IFI30: variants seen among roughly 807,000 people sequenced by gnomAD.
The protein encoded by IFI30 is IFI30 lysosomal thiol reductase.
In IFI30, 26 loss-of-function variants were observed where a neutral mutation model predicts 30.1. The observed-to-expected ratio is 0.87, with a 90% CI of 0.63 to 1.20. The LOEUF (loss-of-function observed/expected upper bound fraction) is 1.20. IFI30 is among the 50% of genes most tolerant of loss of function. The pLI, the probability that IFI30 is intolerant of heterozygous loss-of-function variation, is 0.00. For missense variants in IFI30, 296 were observed against 312.5 expected (o/e 0.95, Z 0.40); for synonymous variants, 149 against 134.5 (o/e 1.11, Z -0.75).
In IFI30 at chr19:18,175,704, G is replaced by T. The variant is rs1318682235; in HGVS notation, c.483+7G>T. 5 of 1,596,670 alleles carry T rather than the reference G, an allele frequency of 3.1e-6. No homozygotes were observed. In the African/African-American group the frequency reaches 6.7e-5, roughly 21 times the overall value. On this transcript the variant is annotated splice_region_variant and intron_variant, in intron 4 of 6. Coordinates refer to ENST00000407280, the MANE Select transcript of IFI30 (RefSeq NM_006332.5). ...GGAGAGAAGTCTGCCACTAGTGAGT[G>T]ACGCCCCTCACTCCACCCAAGGAGG...
intron 4 of IFI30, 145 bp from the exon 5 acceptor site, chr19:18,176,995 C>A: frequency 1.2e-6 from 1 of 830,718 alleles, no homozygotes; most frequent in African/African-American, 1.7e-5. Flanking sequence ...TGAGCACCTG[C>A]TGTTTGTGGG....
chr19:18,174,578 T>C (rs1269581983), intron 1 of IFI30: 1 of 162,876 alleles, frequency 6.1e-6, no homozygotes, highest in African/African-American at 2.4e-5. Context: ...TGACAAGAAA[T>C]GAGCATGGGC....
rs8102682 is a variant in IFI30, at chr19:18,175,512, T to A, written c.391-93T>A. 683 of 1,388,612 alleles carry A rather than the reference T, an allele frequency of 4.9e-4. No homozygotes were observed. In the African/African-American group the frequency reaches 7.5e-3, roughly 15 times the overall value. 86.0% of individuals were successfully genotyped at this position (1,388,612 alleles called of 1,614,324 possible). On this transcript the variant is annotated intron_variant, in intron 3 of 6. Transcript: ENST00000407280. ...CATTTAATCACATCTTTATTCCCTA[T>A]CTCCTGGGTGGGTACTGGTGATTAT...
Position 18,173,825 on chromosome 19 carries a change from C to G in IFI30, c.-17C>G. 6.5e-7 allele frequency: 1 copy of G among 1,539,056 alleles called. No homozygotes were observed. ...CCAGGCAGCCGCTGCAGTCGCCACACCTTTGCCCCTGCTGCGATGACCCTG... is the reference window on the plus strand; with the variant it reads ...CCAGGCAGCCGCTGCAGTCGCCACAGCTTTGCCCCTGCTGCGATGACCCTG... On this transcript the variant is annotated 5_prime_UTR_variant, in exon 1 of 7. Coordinates refer to ENST00000407280, the MANE Select transcript of IFI30 (RefSeq NM_006332.5).
Position 18,177,926 on chromosome 19 carries a change from C to A in IFI30, c.*15C>A. 6.3e-7 allele frequency: 1 copy of A among 1,577,222 alleles called. No individual in the cohort carries two copies. Among genetic ancestry groups the A allele is most frequent in the Non-Finnish European group, 8.6e-7 (1 of 1,161,320 alleles). ...GCTTCAAGTGATGGCCGGTGAGCTG[C>A]GGAGAGCTCATGGAAGGCGAGTGGG... On this transcript the variant is annotated 3_prime_UTR_variant, in exon 7 of 7. Transcript: ENST00000407280.
In IFI30 at chr19:18,175,334, G is replaced by T; in HGVS notation, c.339G>T (p.Trp113Cys). 1 of 1,591,124 alleles carries T rather than the reference G, an allele frequency of 6.3e-7. No individual in the cohort carries two copies. The highest frequency in any genetic ancestry group is 8.5e-7 in the Non-Finnish European group (1 of 1,169,626). ...AGGAACAAAATGTCAGTGGCAGGTG[G>T]GAGTTCAAGTGCCAGCATGGAGAAG... ...NAQEQNVSGR[W>C]EFKCQHGEEE... The change falls in exon 3 of 7, where the codon TGG becomes TGT. Residue 113 changes from tryptophan (W) to cysteine (C), a missense_variant. Coordinates refer to ENST00000407280, the MANE Select transcript of IFI30 (RefSeq NM_006332.5).
chr19:18,178,041 A>T lies in IFI30; in HGVS notation c.*130A>T, dbSNP rs1967294817. 1 of 852,076 alleles carries T rather than the reference A, an allele frequency of 1.2e-6. No individual in the cohort carries two copies. The highest frequency in any genetic ancestry group is 2.2e-5 in the Admixed American group (1 of 45,828). 52.8% of individuals were successfully genotyped at this position (852,076 alleles called of 1,614,324 possible). A position where few individuals can be genotyped will look rare whatever the true frequency, so the allele number is the denominator to read the frequency against. On this transcript the variant is annotated 3_prime_UTR_variant, in exon 7 of 7. Coordinates refer to ENST00000407280, the MANE Select transcript of IFI30 (RefSeq NM_006332.5). ...ATTTTATGCATCCCATGAAGCCCAGATACACAAAATTCCACCCCATGATCA... is the reference window on the plus strand; with the variant it reads ...ATTTTATGCATCCCATGAAGCCCAGTTACACAAAATTCCACCCCATGATCA...
At chr19:18,176,597 A>T (rs1967272034) in intron 4 of IFI30, among the ~76,000 whole-genome samples, 1 of 152,100 alleles carries the variant, frequency 6.6e-6, no homozygotes, top group Non-Finnish European at 1.5e-5. Flanking sequence ...GACACAGATG[A>T]TGGGATGTGG....
chr19:18,175,256 G>T, intron 2 of IFI30, 34 bp downstream of exon 2: 1 of 1,573,920 alleles, frequency 6.4e-7, no homozygotes, highest in African/African-American at 1.4e-5. Context: ...AGGCACGTGG[G>T]CAGGGGAGCA....
intron 1 of IFI30, 35 bp from the exon 2 acceptor site, chr19:18,175,005 G>T: frequency 6.3e-7 from 1 of 1,586,386 alleles, no homozygotes; most frequent in South Asian, 1.1e-5. Context: ...ACTGCCCAGG[G>T]CTACACCTGC....
Position 18,173,899 on chromosome 19 carries a change from C to G in IFI30, c.58C>G (p.Pro20Ala). The change falls in exon 1 of 7, where the codon CCC (proline) becomes GCC (alanine). Residue 20 changes from proline (P) to alanine (A), a missense_variant. Pro to Ala is a conservative substitution (Grantham distance 27). Coordinates refer to ENST00000407280, the MANE Select transcript of IFI30 (RefSeq NM_006332.5). ...ACCGCTGCTGCTGCTGCTGGACGTC[C>G]CCACGGCGGCGGTGCAGGCGTCCCC... ...LPPLLLLLDV[P>A]TAAVQASPLQ... 2 of 1,551,270 alleles carry G rather than the reference C, an allele frequency of 1.3e-6. No homozygotes were observed. The highest frequency in any genetic ancestry group is 1.7e-6 in the Non-Finnish European group (2 of 1,147,276).
intron 5 of IFI30, 134 bp downstream of exon 5, chr19:18,177,426 C>T: frequency 9.3e-7 from 1 of 1,069,656 alleles, no homozygotes; most frequent in Non-Finnish European, 1.3e-6. Context: ...TGCACTCCAG[C>T]CTGGGCAACA....
intron 4 of IFI30, among the ~76,000 whole-genome samples, chr19:18,176,619 C>A (rs1967273048): frequency 6.6e-6 from 1 of 152,174 alleles, no homozygotes; most frequent in Non-Finnish European, 1.5e-5. Flanking sequence ...GATGATAGGA[C>A]AGACCCCACC....
chr19:18,175,710 C>T lies in IFI30; in HGVS notation c.483+13C>T. The T allele has an allele frequency of 6.3e-7, 1 of 1,584,232 alleles. No homozygotes were observed. The highest frequency in any genetic ancestry group is 1.1e-5 in the South Asian group (1 of 87,424). ...AAGTCTGCCACTAGTGAGTGACGCC[C>T]CTCACTCCACCCAAGGAGGGGGACA... On this transcript the variant is annotated intron_variant, in intron 4 of 6. Coordinates refer to ENST00000407280, the MANE Select transcript of IFI30 (RefSeq NM_006332.5).
rs1376333338 is a variant in IFI30 at position 18,173,978 on chromosome 19, G to A, written c.132+5G>A. ...GGGCCACCAGTTAACTACAAGGTAG[G>A]GACGGCGACAGGGCGGGCAGGCTGG... On this transcript the variant is annotated splice_donor_5th_base_variant and intron_variant, in intron 1 of 6. Transcript: ENST00000407280. 2 of 1,548,720 alleles carry A rather than the reference G, an allele frequency of 1.3e-6. No homozygotes were observed. The highest frequency in any genetic ancestry group is 3.9e-5 in the Admixed American group (2 of 50,668).
intron 3 of IFI30, 33 bp downstream of exon 3, chr19:18,175,418 G>T: frequency 6.4e-7 from 1 of 1,560,662 alleles, no homozygotes; most frequent in South Asian, 1.2e-5. Flanking sequence ...ACTGGGGTGG[G>T]GGAAAACTGT....
At chr19:18,174,986 A>G in intron 1 of IFI30, 54 bp from the exon 2 acceptor site, 1 of 1,438,674 alleles carries the variant, frequency 7.0e-7, no homozygotes, top group Non-Finnish European at 9.6e-7. Context: ...GGGTTGAGAG[A>G]AGTGGGGAAC....
rs535343184 is a variant in IFI30 at position 18,175,233 on chromosome 19, G to T, written c.315+11G>T. The T allele has an allele frequency of 1.3e-6, 2 of 1,577,886 alleles. No homozygotes were observed. The highest frequency in any genetic ancestry group is 1.2e-5 in the South Asian group (1 of 86,608). On this transcript the variant is annotated intron_variant, in intron 2 of 6. Coordinates refer to ENST00000407280, the MANE Select transcript of IFI30 (RefSeq NM_006332.5). ...TACGGAAACGCACAGGTGTGTGGGC[G>T]CTGGGGAAACTGAGGCACGTGGGCA... is the stretch of plus-strand genomic sequence containing the variant.
In IFI30 at chr19:18,175,216, C is replaced by A; in HGVS notation, c.309C>A (p.Asn103Lys). Residue 103 changes from asparagine (N) to lysine (K), a missense_variant, in exon 2 of 7, where the codon AAC becomes AAA. Physicochemically the swap from Asn to Lys is moderately conservative, Grantham distance 94 (BLOSUM62 0). Transcript: ENST00000407280. The part of the protein sequence containing the change: ...ILNVTLVPYG[N>K]AQEQNVSGRW... ...ATGTCACGCTGGTGCCCTACGGAAA[C>A]GCACAGGTGTGTGGGCGCTGGGGAA... The A allele has an allele frequency of 6.3e-7, 1 of 1,583,178 alleles. No individual in the cohort carries two copies. The highest frequency in any genetic ancestry group is 1.1e-5 in the South Asian group (1 of 87,174).
Sources: gnomAD v4.1 joint callset for allele counts (sites outside exome capture counted in the v4.1 genomes callset) on GRCh38, gnomAD v4.1.1 for gene constraint, MANE v1.5 for transcripts, NCBI Gene and HGNC (gene_info 2026-07-23, HGNC 2026-07-21) for gene names.